The following GSE1 variants were observed in gnomAD, a reference collection of about 807,000 sequenced individuals.
GSE1 encodes Gse1 coiled-coil protein, also known as genetic suppressor element 1.
Under a neutral mutation model 112.6 loss-of-function variants are expected in GSE1, and 32 were observed. That is an observed-to-expected ratio of 0.28 (90% confidence interval 0.21 to 0.38). GSE1 has a LOEUF of 0.38. GSE1 is among the 10% of genes least tolerant of loss of function. The pLI is 1.00. For missense variants in GSE1, 2,348 were observed against 1,699.2 expected, an observed-to-expected ratio of 1.38 and a Z score of -6.71; for synonymous variants, 1,115 against 735.6, an observed-to-expected ratio of 1.52 and a Z score of -8.35.
chr16:85,596,928 T>A (rs2047253067), intron 1 of GSE1, among the ~76,000 whole-genome samples: 1 of 152,094 alleles, frequency 6.6e-6, no homozygotes, highest in Non-Finnish European at 1.5e-5. Flanking sequence ...CCCAGCTACT[T>A]GGGAGGCTGA....
At position 85,358,121 on chromosome 16, in the gene GSE1, C is replaced by T. The variant is rs116257081; in HGVS notation, c.2464+478C>T. ...GCTGCCGTCCTCCCCCTCCCACTCC[C>T]GCCAGCCACAGGCGTGCTGTGGACC... On this transcript the variant is annotated intron_variant, in intron 2 of 2. Transcript: ENST00000637419. Among the ~76,000 whole-genome samples the T allele has an allele frequency of 4.2e-3, 637 of 152,268 alleles. 7 individuals carry two copies. Among genetic ancestry groups the T allele is most frequent in the African/African-American group, 0.015 (606 of 41,524 alleles).
At chr16:85,646,876 C>T (rs2050911097) in intron 2 of GSE1, among the ~76,000 whole-genome samples, 1 of 133,740 alleles carries the variant, frequency 7.5e-6, no homozygotes. Flanking sequence ...GTCACGGGGG[C>T]TTGATCCCCA....
intron 1 of GSE1, among the ~76,000 whole-genome samples, chr16:85,632,407 G>A (rs753348983): frequency 5.3e-5 from 8 of 152,194 alleles, no homozygotes; most frequent in African/African-American, 1.7e-4. Flanking sequence ...TGCCCCCAAA[G>A]AATTATTTTC....
chr16:85,634,146 C>T lies in GSE1; in HGVS notation c.226+14C>T. 2.8e-6 allele frequency: 4 copies of T among 1,436,476 alleles called. No homozygotes were observed. The highest frequency in any genetic ancestry group is 3.6e-6 in the Non-Finnish European group (4 of 1,101,592). 89.0% of individuals were successfully genotyped at this position (1,436,476 alleles called of 1,614,324 possible). A position where few individuals can be genotyped will look rare whatever the true frequency, so the allele number is the denominator to read the frequency against. On this transcript the variant is annotated intron_variant, in intron 2 of 15. Transcript: ENST00000253458. The stretch of plus-strand genomic sequence containing the variant: ...AGGAGCCCAGAGGTAAGGGGGCCCG[C>T]CAGGCTGCGCGTGGGGGGAGCGGCG...
chr16:85,663,051 C>T lies in GSE1; in HGVS notation c.2331C>T (p.Cys777=), dbSNP rs753420939. ...AGGAGGTCAGGGCCCACCTCCGTTG[C>T]GTGGCCGAGCAGCCGCCCCTCAAAC... ...DEEEVRAHLR[C]VAEQPPLKLD... is the part of the protein sequence containing the mutation. Residue 777 remains cysteine (C), a synonymous_variant, in exon 10 of 16, where the codon TGC becomes TGT. Coordinates refer to ENST00000253458, the MANE Select transcript of GSE1 (RefSeq NM_014615.5). 5.8e-5 allele frequency: 93 copies of T among 1,612,696 alleles called. No individual in the cohort carries two copies. The highest frequency in any genetic ancestry group is 8.0e-5 in the African/African-American group (6 of 74,924).
rs946984379 is a variant in GSE1, at chr16:85,426,173, T to G, written c.2464+68530T>G. The stretch of plus-strand genomic sequence containing the variant: ...TGAATGGATGGGTGGGTGGGGTGGA[T>G]GGATGTATAGTGGATAGATGGATGG... On this transcript the variant is annotated intron_variant, in intron 2 of 2. Transcript: ENST00000637419. 5.2e-5 allele frequency among the ~76,000 whole-genome samples: 7 copies of G among 134,284 alleles called. No individual in the cohort carries two copies. In the East Asian group the frequency reaches 1.6e-3, roughly 31 times the overall value. 88.1% of individuals were successfully genotyped at this position (134,284 alleles called of 152,430 possible).
intron 2 of GSE1, among the ~76,000 whole-genome samples, chr16:85,533,466 G>T (rs2044204695): frequency 6.6e-6 from 1 of 152,116 alleles, no homozygotes; most frequent in Non-Finnish European, 1.5e-5. Flanking sequence ...GTTTGCATAT[G>T]TGTTATAATG....
chr16:85,246,491 A>ACC (rs1905826737), intron 1 of GSE1, among the ~76,000 whole-genome samples: 1 of 31,050 alleles, frequency 3.2e-5, no homozygotes, highest in African/African-American at 8.9e-5. Flanking sequence ...ACACACACAC[A>ACC]CTCTACACAC....
intron 1 of GSE1, among the ~76,000 whole-genome samples, chr16:85,623,311 C>G (rs1003229201): frequency 4.0e-5 from 6 of 151,594 alleles, no homozygotes; most frequent in African/African-American, 1.5e-4. Flanking sequence ...ACCTCCTGGG[C>G]TCAAGCGATC....
chr16:85,252,956 G>A (rs533652007), intron 1 of GSE1, among the ~76,000 whole-genome samples: 1 of 151,986 alleles, frequency 6.6e-6, no homozygotes, highest in Non-Finnish European at 1.5e-5. Context: ...AGGTGGAAGG[G>A]AAGTGGAAGC....
intron 1 of GSE1, among the ~76,000 whole-genome samples, chr16:85,310,031 C>T (rs1430827437): frequency 1.3e-5 from 2 of 152,266 alleles, no homozygotes. Flanking sequence ...AATCCAGCGC[C>T]TGTCAGTCGG....
At position 85,648,729 on chromosome 16, in the gene GSE1, T is replaced by C. The variant is rs137897923; in HGVS notation, c.404T>C (p.Val135Ala). The change falls in exon 3 of 16, where the codon GTC (valine) becomes GCC (alanine). Residue 135 changes from valine (V) to alanine (A), a missense_variant. Physicochemically the swap from Val to Ala is moderately conservative, Grantham distance 64. Transcript: ENST00000253458. Reference protein sequence around the residue: ...TIAPTKTVNGVWRSESRQDAG... With the variant: ...TIAPTKTVNGAWRSESRQDAG... ...GCTCCAACCAAAACCGTGAATGGTG[T>C]CTGGAGGAGTGAGAGCCGGCAGGTG... 2 of 1,595,578 alleles carry C rather than the reference T, an allele frequency of 1.3e-6. No individual in the cohort carries two copies. The highest frequency in any genetic ancestry group is 2.2e-5 in the South Asian group (2 of 89,204).
At chr16:85,613,894 G>T (rs1430009898) in intron 1 of GSE1, among the ~76,000 whole-genome samples, 4 of 150,314 alleles carry the variant, frequency 2.7e-5, no homozygotes, top group Non-Finnish European at 5.9e-5. Flanking sequence ...GGGCCGCGCC[G>T]GTTAGGGTTC....
At chr16:85,610,923 C>A (rs1006020153), upstream of GSE1, among the ~76,000 whole-genome samples, 1 of 152,234 alleles carries the variant, frequency 6.6e-6, no homozygotes, top group African/African-American at 2.4e-5. Context: ...CTCTAAAAAG[C>A]CGAGTGATGC....
intron 2 of GSE1, among the ~76,000 whole-genome samples, chr16:85,502,272 G>A (rs1441847430): frequency 6.6e-6 from 1 of 152,194 alleles, no homozygotes; most frequent in Non-Finnish European, 1.5e-5. Flanking sequence ...GCACAGTGGA[G>A]TTCGATCCTG....
chr16:85,550,364 T>C (rs1241471678), intron 2 of GSE1, among the ~76,000 whole-genome samples: 2 of 152,024 alleles, frequency 1.3e-5, no homozygotes, highest in African/African-American at 2.4e-5. Context: ...TTGAACCAGA[T>C]TGTCACGAGG....
At chr16:85,469,914 C>A (rs1396119338) in intron 2 of GSE1, among the ~76,000 whole-genome samples, 3 of 152,240 alleles carry the variant, frequency 2.0e-5, no homozygotes, top group African/African-American at 7.2e-5. Context: ...GTCAGAGTCC[C>A]CGACCAGGCA....
At chr16:85,342,551 C>A (rs1443257735) in intron 1 of GSE1, among the ~76,000 whole-genome samples, 1 of 152,110 alleles carries the variant, frequency 6.6e-6, no homozygotes, top group East Asian at 1.9e-4. Context: ...ACTCTCATAT[C>A]CTTTTGGGAG....
intron 2 of GSE1, among the ~76,000 whole-genome samples, chr16:85,398,325 G>T (rs2048014519): frequency 1.3e-5 from 2 of 152,180 alleles, no homozygotes; most frequent in African/African-American, 4.8e-5. Context: ...AGGCCTGAGG[G>T]GTCGCAGAGC....
Sources: allele counts gnomAD v4.1 joint callset (sites outside exome capture counted in the v4.1 genomes callset), GRCh38; gene constraint gnomAD v4.1.1; transcripts MANE v1.5; gene names NCBI Gene and HGNC (gene_info 2026-07-23, HGNC 2026-07-21).